SI: variants seen among roughly 807,000 people sequenced by gnomAD.
The protein encoded by SI is sucrase-isomaltase, intestinal.
A neutral mutation model predicts 253.3 loss-of-function variants in SI; 235 were observed. The ratio of observed to expected loss-of-function variants is 0.93; its 90% CI spans 0.83 to 1.03. The LOEUF is 1.03. Ranked by LOEUF, SI falls within the 50% of genes least tolerant of loss-of-function variation. SI has a pLI of 0.00. For missense variants in SI, 2,442 were observed against 2,211.1 expected (o/e 1.10, Z -2.09); for synonymous variants, 819 against 712.0 (o/e 1.15, Z -2.39).
intron 13 of SI, among the ~76,000 whole-genome samples, chr3:165,051,741 A>G (rs577903495): frequency 3.7e-4 from 57 of 152,140 alleles, no homozygotes; most frequent in Non-Finnish European, 7.7e-4. Context: ...TATCATTTCT[A>G]TTTGAGTTAA....
chr3:165,077,000 TCA>T (rs1715033967), intron 1 of SI, among the ~76,000 whole-genome samples: 1 of 149,476 alleles, frequency 6.7e-6, no homozygotes, highest in Non-Finnish European at 1.5e-5. Flanking sequence ...TTTTTTGGTC[TCA>T]CAATGGTCCC....
At chr3:165,028,399 A>T (rs1712037846) in intron 25 of SI, among the ~76,000 whole-genome samples, 1 of 151,508 alleles carries the variant, frequency 6.6e-6, no homozygotes, top group African/African-American at 2.4e-5. Flanking sequence ...AATCCTCATC[A>T]AAACACCATC....
chr3:165,022,533 T>TCACACACACA (rs1491563006), intron 26 of SI, among the ~76,000 whole-genome samples: 4 of 83,380 alleles, frequency 4.8e-5, no homozygotes, highest in African/African-American at 1.7e-4. Context: ...TTTTGTGCCA[T>TCACACACACA]CTCACACACA....
rs149477467 is a variant in SI, at chr3:165,067,982, G to C, written c.484-491C>G. 3.0e-3 allele frequency among the ~76,000 whole-genome samples: 449 copies of C among 151,882 alleles called. 2 individuals carry two copies. The highest frequency in any genetic ancestry group is 9.6e-3 in the African/African-American group (400 of 41,490). ...AAAATTTAGTTCCAGTGAAATTATT[G>C]CTAAAAAGGTGATATACAAAGAATT... On this transcript the variant is annotated intron_variant, in intron 5 of 47. Transcript: ENST00000264382.
chr3:165,063,603 T>C, intron 7 of SI, 62 bp from the exon 8 acceptor site: 2 of 750,602 alleles, frequency 2.7e-6, no homozygotes, highest in Non-Finnish European at 4.7e-6. Flanking sequence ...AAAGATTATA[T>C]ATTTTATATG....
rs1167931116 is a variant in SI, at chr3:165,039,909, A to G, written c.2222T>C (p.Leu741Pro). Residue 741 changes from leucine (L) to proline (P), a missense_variant, in exon 19 of 48, where the codon CTT (leucine) becomes CCT (proline). By Grantham distance (98) the Leu-to-Pro change is moderately conservative. Coordinates refer to ENST00000264382, the MANE Select transcript of SI (RefSeq NM_001041.4). ...DTEFLWGPALLITPVLKQGAD... is the reference protein window; with the variant it reads ...DTEFLWGPALPITPVLKQGAD... ...TACCTGTTTTAGAACAGGAGTAATA[A>G]GTAATGCAGGGCCCCACAAAAACTC... 1.2e-6 allele frequency: 2 copies of G among 1,612,916 alleles called. No individual in the cohort carries two copies. The highest frequency in any genetic ancestry group is 2.2e-5 in the East Asian group (1 of 44,828).
At chr3:165,056,805 C>T (rs1189824697) in intron 12 of SI, among the ~76,000 whole-genome samples, 1 of 152,088 alleles carries the variant, frequency 6.6e-6, no homozygotes, top group Non-Finnish European at 1.5e-5. Context: ...CTGCAGTTAA[C>T]AAAGACTTAG....
intron 44 of SI, among the ~76,000 whole-genome samples, chr3:164,991,124 C>T (rs900150017): frequency 2.0e-5 from 3 of 152,064 alleles, no homozygotes; most frequent in Non-Finnish European, 2.9e-5. Context: ...CCATGTCATC[C>T]CCATGGGACT....
intron 37 of SI, among the ~76,000 whole-genome samples, chr3:165,002,907 C>T (rs1002564507): frequency 6.6e-6 from 1 of 151,558 alleles, no homozygotes; most frequent in Non-Finnish European, 1.5e-5. Context: ...GTTTTATGAA[C>T]GAGAGCAAAA....
chr3:165,018,718 G>A (rs1217850313), intron 28 of SI, among the ~76,000 whole-genome samples: 1 of 151,324 alleles, frequency 6.6e-6, no homozygotes, highest in African/African-American at 2.4e-5. Flanking sequence ...ACTAGTGGAA[G>A]TAATTTTAGA....
At chr3:165,032,381 A>T (rs1240558980) in intron 24 of SI, 141 bp downstream of exon 24, 1 of 567,164 alleles carries the variant, frequency 1.8e-6, no homozygotes, top group African/African-American at 1.9e-5. Flanking sequence ...AGTGAAGAAA[A>T]AAATGAAGGG....
Position 165,019,584 on chromosome 3 carries a change from T to G in SI, c.3423+18A>C. The G allele has an allele frequency of 6.2e-7, 1 of 1,610,316 alleles. No homozygotes were observed. Among genetic ancestry groups the G allele is most frequent in the Non-Finnish European group, 8.5e-7 (1 of 1,177,242 alleles). On this transcript the variant is annotated intron_variant, in intron 28 of 47. Coordinates refer to ENST00000264382, the MANE Select transcript of SI (RefSeq NM_001041.4). ...TGGTCTTAGTTGCCTCGTGGAGTGG[T>G]CATATGTTGGTACCTACACCAGGGG...
In SI at chr3:165,015,150, T is replaced by C. The variant is rs142838806; in HGVS notation, c.3972A>G (p.Pro1324=). The C allele has an allele frequency of 2.0e-4, 322 of 1,612,830 alleles. No individual in the cohort carries two copies. In the African/African-American group the frequency reaches 3.7e-3, roughly 18 times the overall value. ...GQQNDVFVKW[P]NTNDICWAKV... is the part of the protein sequence containing the mutation. ...TTGCCCAACAAATGTCATTGGTGTT[T>C]GGCCATTTGACAAAGACATCATTCT... is the stretch of plus-strand genomic sequence containing the variant. The change falls in exon 33 of 48, where the codon CCA becomes CCG. Residue 1324 remains proline, a synonymous_variant. Coordinates refer to ENST00000264382, the MANE Select transcript of SI (RefSeq NM_001041.4).
Position 165,033,415 on chromosome 3 carries a change from A to G in SI, c.2545T>C (p.Tyr849His). ...CTTACATTAGAAACTGAAAATGTATATAATATGTAGTTGCCATTTTGTATT... is the reference window on the plus strand; with the variant it reads ...CTTACATTAGAAACTGAAAATGTATGTAATATGTAGTTGCCATTTTGTATT... ...DTIQNGNYIL[Y>H]TFSVSNNTLD... is the part of the protein sequence containing the mutation. Residue 849 changes from tyrosine to histidine, a missense_variant, in exon 23 of 48, where the codon TAT becomes CAT. By Grantham distance (83) the Tyr-to-His change is moderately conservative. Coordinates refer to ENST00000264382, the MANE Select transcript of SI (RefSeq NM_001041.4). 6.4e-7 allele frequency: 1 copy of G among 1,555,220 alleles called. No homozygotes were observed. The highest frequency in any genetic ancestry group is 8.7e-7 in the Non-Finnish European group (1 of 1,147,236).
At chr3:164,980,176 A>C (rs555318967) in intron 47 of SI, among the ~76,000 whole-genome samples, 1 of 151,998 alleles carries the variant, frequency 6.6e-6, no homozygotes, top group East Asian at 1.9e-4. Flanking sequence ...TCTTTTCATA[A>C]GGGCTTTATA....
In SI at chr3:165,076,980, T is replaced by TTG. The variant is rs1170021525; in HGVS notation, c.1-969_1-968insCA. Among the ~76,000 whole-genome samples, 196 of 142,114 alleles carry TTG rather than the reference T, an allele frequency of 1.4e-3. 2 individuals are homozygous for TTG. The highest frequency in any genetic ancestry group is 5.3e-3 in the African/African-American group (192 of 36,266). The allele number at this position is 142,114 out of a possible 152,430, so 93.2% of individuals were successfully genotyped here. A position where few individuals can be genotyped will look rare whatever the true frequency, so the allele number is the denominator to read the frequency against. ...TATTGGGTTTAAAATCACGGTTTGTTTTTTTTTTTTTTTTTGGTCTCACAA... is the reference window on the plus strand; with the variant it reads ...TATTGGGTTTAAAATCACGGTTTGTTTGTTTTTTTTTTTTTTTGGTCTCACAA... On this transcript the variant is annotated intron_variant, in intron 1 of 47. Transcript: ENST00000264382.
chr3:165,075,826 A>G (rs780886119), intron 2 of SI, 69 bp downstream of exon 2: 150 of 938,722 alleles, frequency 1.6e-4, no homozygotes, highest in Non-Finnish European at 2.2e-4. Flanking sequence ...TTTAAAACCT[A>G]TAACTATTGT....
At position 165,058,987 on chromosome 3, in the gene SI, A is replaced by G. The variant is rs1202929791; in HGVS notation, c.1374T>C (p.Asp458=). 3.7e-6 allele frequency: 6 copies of G among 1,611,730 alleles called. No individual in the cohort carries two copies. In the Admixed American group the frequency reaches 1.0e-4, roughly 27 times the overall value. The change falls in exon 12 of 48, where the codon GAT becomes GAC. Residue 458 remains aspartate (D), a synonymous_variant. Coordinates refer to ENST00000264382, the MANE Select transcript of SI (RefSeq NM_001041.4). ...CCTCTCCAATAATTGGTGTACTTCC[A>G]TCTGACTCATTTATCCACACATGTT... The part of the protein sequence containing the change: ...NTQHVWINES[D]GSTPIIGEVW...
chr3:165,021,390 C>T lies in SI; in HGVS notation c.3100-7G>A, dbSNP rs753801484. 6.2e-7 allele frequency: 1 copy of T among 1,607,760 alleles called. No individual in the cohort carries two copies. The stretch of plus-strand genomic sequence containing the variant: ...TCTTTTGGGGATCATAAATCTATTG[C>T]AGATAAGTAGTAAAAAAGTTTATTC... On this transcript the variant is annotated splice_polypyrimidine_tract_variant and splice_region_variant and intron_variant, in intron 26 of 47. Coordinates refer to ENST00000264382, the MANE Select transcript of SI (RefSeq NM_001041.4).
Sources: allele counts gnomAD v4.1 joint callset (sites outside exome capture counted in the v4.1 genomes callset), GRCh38; gene constraint gnomAD v4.1.1; transcripts MANE v1.5; gene names NCBI Gene and HGNC (gene_info 2026-07-23, HGNC 2026-07-21).